Variants in TTBK2 observed in about 807,000 individuals in gnomAD.
TTBK2 encodes the protein tau tubulin kinase 2, also known as tau-tubulin kinase 2.
Under a neutral mutation model 110.8 loss-of-function variants are expected in TTBK2, and 28 were observed. That is an observed-to-expected ratio of 0.25 (90% CI 0.19 to 0.35). TTBK2 has a LOEUF of 0.35. Ranked by LOEUF, TTBK2 falls within the 10% of genes least tolerant of loss-of-function variation. TTBK2 has a pLI of 1.00. For synonymous variants in TTBK2, 532 were observed against 527.3 expected, an observed-to-expected ratio of 1.01 and a Z score of -0.12; for missense variants, 1,369 against 1,500.3, an observed-to-expected ratio of 0.91 and a Z score of 1.45.
At chr15:42,851,242 T>C (rs1433371934) in intron 3 of TTBK2, among the ~76,000 whole-genome samples, 1 of 146,664 alleles carries the variant, frequency 6.8e-6, no homozygotes, top group Non-Finnish European at 1.5e-5. Context: ...AGCAAAACTC[T>C]GTCTCAGAAA....
chr15:42,872,573 A>G, intron 3 of TTBK2, 38 bp downstream of exon 3: 1 of 1,605,212 alleles, frequency 6.2e-7, no homozygotes. Flanking sequence ...ATAAATTAAC[A>G]TACAAATCAT....
At chr15:42,852,006 T>A (rs1229700975) in intron 3 of TTBK2, among the ~76,000 whole-genome samples, 3 of 152,066 alleles carry the variant, frequency 2.0e-5, no homozygotes, top group African/African-American at 7.2e-5. Flanking sequence ...TCAGTAGCAC[T>A]GTTCTACCAT....
intron 2 of TTBK2, 101 bp from the exon 3 acceptor site, chr15:42,872,859 T>G (rs1373130371): frequency 7.3e-7 from 1 of 1,373,898 alleles, no homozygotes; most frequent in African/African-American, 1.5e-5. Context: ...TTTTATAATC[T>G]GTTTTTTGAT....
intron 14 of TTBK2, 94 bp from the exon 15 acceptor site, chr15:42,746,351 G>C: frequency 2.0e-6 from 2 of 982,586 alleles, no homozygotes; most frequent in Non-Finnish European, 3.0e-6. Context: ...TGAATGTGTA[G>C]AAATCAGAAA....
At chr15:42,758,660 A>G (rs1389368605) in intron 13 of TTBK2, among the ~76,000 whole-genome samples, 19 of 151,052 alleles carry the variant, frequency 1.3e-4, no homozygotes, top group African/African-American at 4.4e-4. Context: ...ATCTCAAAAA[A>G]AAAAAAAAAA....
chr15:42,872,517 A>G (rs1417496058), intron 3 of TTBK2, 94 bp downstream of exon 3: 8 of 1,433,548 alleles, frequency 5.6e-6, no homozygotes, highest in Non-Finnish European at 7.7e-6. Flanking sequence ...ACATTCAATT[A>G]GTACTTAAAG....
chr15:42,850,026 G>A (rs1004206643), intron 3 of TTBK2, among the ~76,000 whole-genome samples: 1 of 151,960 alleles, frequency 6.6e-6, no homozygotes, highest in Non-Finnish European at 1.5e-5. Context: ...GCAACAGAAC[G>A]GCAGAGGGAG....
chr15:42,784,477 C>T (rs991936730), intron 10 of TTBK2, among the ~76,000 whole-genome samples: 1 of 152,118 alleles, frequency 6.6e-6, no homozygotes, highest in Non-Finnish European at 1.5e-5. Flanking sequence ...AGGGTTTCGC[C>T]ATGTTGGGCA....
intron 9 of TTBK2, among the ~76,000 whole-genome samples, chr15:42,809,290 T>C (rs1891604068): frequency 1.3e-5 from 2 of 152,218 alleles, no homozygotes; most frequent in Non-Finnish European, 2.9e-5. Context: ...TATTAAGTGA[T>C]AGAAAAGCCC....
At chr15:42,778,535 G>A (rs918844837) in intron 11 of TTBK2, among the ~76,000 whole-genome samples, 5 of 152,134 alleles carry the variant, frequency 3.3e-5, no homozygotes, top group Non-Finnish European at 7.4e-5. Context: ...GGGCATGGTG[G>A]CACACGCCTG....
intron 13 of TTBK2, among the ~76,000 whole-genome samples, chr15:42,761,489 A>T (rs2140657200): frequency 6.6e-6 from 1 of 152,274 alleles, no homozygotes; most frequent in Middle Eastern, 3.4e-3. Context: ...TAGAGTGAAA[A>T]GATAACCTAC....
intron 1 of TTBK2, among the ~76,000 whole-genome samples, chr15:42,893,010 C>CA (rs780103161): frequency 0.046 from 2,648 of 57,176 alleles, 74 homozygotes; most frequent in African/African-American, 0.13. Flanking sequence ...GACTCTGTCT[C>CA]AAAAAAAAAA....
chr15:42,759,099 G>A (rs1321655005), intron 13 of TTBK2, among the ~76,000 whole-genome samples: 1 of 152,184 alleles, frequency 6.6e-6, no homozygotes, highest in African/African-American at 2.4e-5. Context: ...ACAGGTGGCT[G>A]GTGGCTACAA....
intron 13 of TTBK2, among the ~76,000 whole-genome samples, chr15:42,757,204 T>C (rs1244270495): frequency 6.6e-6 from 1 of 151,756 alleles, no homozygotes; most frequent in Non-Finnish European, 1.5e-5. Context: ...ACTCCTGGGC[T>C]CAAGCAATCC....
At chr15:42,756,388 C>T (rs1219849374) in intron 13 of TTBK2, among the ~76,000 whole-genome samples, 1 of 152,038 alleles carries the variant, frequency 6.6e-6, no homozygotes, top group Non-Finnish European at 1.5e-5. Context: ...GAGTTCAAGA[C>T]CAGCCTGGCC....
At chr15:42,771,391 C>T (rs771586233) in intron 13 of TTBK2, among the ~76,000 whole-genome samples, 49 of 152,162 alleles carry the variant, frequency 3.2e-4, no homozygotes, top group Non-Finnish European at 5.7e-4. Flanking sequence ...ATGTCTGTGT[C>T]CCCATTCCTG....
In TTBK2 at chr15:42,849,433, G is replaced by C. The variant is rs190774018; in HGVS notation, c.218-9000C>G. The stretch of plus-strand genomic sequence containing the variant: ...TCTTTTTAATATAATTTTAACATCT[G>C]TATGATCCTAGCATTGGCATCTATG... On this transcript the variant is annotated intron_variant, in intron 3 of 14. Transcript: ENST00000267890. 8.5e-5 allele frequency among the ~76,000 whole-genome samples: 13 copies of C among 152,228 alleles called. No individual in the cohort carries two copies. The East Asian group carries it at 2.5e-3, about 29-fold the overall frequency.
At chr15:42,815,579 G>A (rs569846019) in intron 7 of TTBK2, among the ~76,000 whole-genome samples, 10 of 151,922 alleles carry the variant, frequency 6.6e-5, no homozygotes, top group East Asian at 5.8e-4. Context: ...AAAAGTCAGC[G>A]CAGAACAAAG....
At chr15:42,818,118 C>A (rs182923406) in intron 6 of TTBK2, among the ~76,000 whole-genome samples, 1 of 152,238 alleles carries the variant, frequency 6.6e-6, no homozygotes, top group Admixed American at 6.5e-5. Context: ...CTCTGTAGCC[C>A]AGGCTATAGT....
Sources: allele counts gnomAD v4.1 joint callset (sites outside exome capture counted in the v4.1 genomes callset), GRCh38; gene constraint gnomAD v4.1.1; transcripts MANE v1.5; gene names NCBI Gene and HGNC (gene_info 2026-07-23, HGNC 2026-07-21).